RGS7: variants seen among roughly 807,000 people sequenced by gnomAD.
RGS7 encodes regulator of G-protein signaling 7.
Under a neutral mutation model 81.1 loss-of-function variants are expected in RGS7, and 27 were observed. That is an observed-to-expected ratio of 0.33 (90% CI 0.25 to 0.46). RGS7 has a LOEUF of 0.46. RGS7 is among the 20% of genes least tolerant of loss of function. The pLI, the probability that RGS7 is intolerant of heterozygous loss-of-function variation, is 1.00. For missense variants in RGS7, 396 were observed against 607.4 expected, an observed-to-expected ratio of 0.65 and a Z score of 3.66; for synonymous variants, 208 against 207.7, an observed-to-expected ratio of 1.00 and a Z score of -0.01.
intron 4 of RGS7, among the ~76,000 whole-genome samples, chr1:240,980,819 A>T (rs1266184831): frequency 2.0e-5 from 3 of 152,200 alleles, no homozygotes; most frequent in Non-Finnish European, 2.9e-5. Context: ...ACAAACCAAC[A>T]AATCAGAAAC....
intron 3 of RGS7, among the ~76,000 whole-genome samples, chr1:241,092,107 T>C (rs770264228): frequency 3.3e-5 from 5 of 152,198 alleles, no homozygotes; most frequent in Admixed American, 1.3e-4. Context: ...GATATTATTA[T>C]ACTGTAATGT....
chr1:241,080,844 T>C (rs974902959), intron 3 of RGS7, among the ~76,000 whole-genome samples: 1 of 152,232 alleles, frequency 6.6e-6, no homozygotes, highest in African/African-American at 2.4e-5. Flanking sequence ...TTTCAAGGAA[T>C]GCCTTCTTAT....
At chr1:240,888,074 A>G (rs921579409) in intron 6 of RGS7, among the ~76,000 whole-genome samples, 6 of 152,186 alleles carry the variant, frequency 3.9e-5, no homozygotes, top group Non-Finnish European at 2.9e-5. Flanking sequence ...TCTATCCTCA[A>G]TGAGGTTACA....
chr1:241,224,767 G>C (rs2075217159), intron 2 of RGS7, among the ~76,000 whole-genome samples: 1 of 152,088 alleles, frequency 6.6e-6, no homozygotes, highest in African/African-American at 2.4e-5. Flanking sequence ...TCATTGTGTT[G>C]AGTTGTTCAG....
rs370307650 is a variant in RGS7, at chr1:241,342,799, A to C, written c.78+12900T>G. On this transcript the variant is annotated intron_variant, in intron 2 of 18. Coordinates refer to ENST00000440928, the MANE Select transcript of RGS7 (RefSeq NM_001364886.1). Reference sequence around the variant, plus strand: ...CTCCATCATTAGGGAAATGTGAATCAAAATCACAATGAGATACCACTTCAC... The same window carrying C: ...CTCCATCATTAGGGAAATGTGAATCCAAATCACAATGAGATACCACTTCAC... Among the ~76,000 whole-genome samples the C allele has an allele frequency of 1.1e-4, 17 of 152,322 alleles. No individual in the cohort carries two copies. In the East Asian group the frequency reaches 2.7e-3, roughly 24 times the overall value.
At chr1:241,239,890 G>C (rs552918529) in intron 2 of RGS7, among the ~76,000 whole-genome samples, 2 of 152,336 alleles carry the variant, frequency 1.3e-5, no homozygotes, top group South Asian at 2.1e-4. Flanking sequence ...TTTGCCTGCA[G>C]TTCAGCAAAT....
chr1:241,026,987 C>T (rs776522846), intron 3 of RGS7, among the ~76,000 whole-genome samples: 6 of 148,012 alleles, frequency 4.1e-5, no homozygotes, highest in Non-Finnish European at 7.5e-5. Context: ...TAAGAAAAAA[C>T]AAGGTTCCAG....
intron 3 of RGS7, among the ~76,000 whole-genome samples, chr1:241,032,153 T>TA (rs1159980705): frequency 1.3e-5 from 2 of 152,246 alleles, no homozygotes; most frequent in Admixed American, 6.5e-5. Flanking sequence ...GACTTTTGTA[T>TA]ATGGTGAAAG....
chr1:241,041,971 T>A (rs1226697448), intron 3 of RGS7, among the ~76,000 whole-genome samples: 1 of 152,118 alleles, frequency 6.6e-6, no homozygotes, highest in Non-Finnish European at 1.5e-5. Flanking sequence ...GTCTGTGGGA[T>A]GACTTAGTAA....
At chr1:241,214,815 A>C (rs1195863700) in intron 2 of RGS7, among the ~76,000 whole-genome samples, 4 of 151,932 alleles carry the variant, frequency 2.6e-5, no homozygotes, top group African/African-American at 4.8e-5. Context: ...TTAAAGCTTC[A>C]TCTATTATAT....
At position 241,061,489 on chromosome 1, in the gene RGS7, A is replaced by G. The variant is rs151327273; in HGVS notation, c.175+37177T>C. On this transcript the variant is annotated intron_variant, in intron 3 of 18. Transcript: ENST00000440928. ...TACCCTTATGTTATAATTTAATATG[A>G]TTTTTATTATGTGGGGTTACACAAT... is the stretch of plus-strand genomic sequence containing the variant. Among the ~76,000 whole-genome samples, 158 of 152,326 alleles carry G rather than the reference A, an allele frequency of 1.0e-3. 1 individual carries two copies. The highest frequency in any genetic ancestry group is 3.5e-3 in the African/African-American group (145 of 41,586).
chr1:241,222,419 C>A (rs1048360950), intron 2 of RGS7, among the ~76,000 whole-genome samples: 1 of 152,084 alleles, frequency 6.6e-6, no homozygotes, highest in African/African-American at 2.4e-5. Context: ...TCTAATATGT[C>A]AATAATTTGA....
chr1:240,939,871 G>C (rs1040951214), intron 4 of RGS7, among the ~76,000 whole-genome samples: 2 of 151,958 alleles, frequency 1.3e-5, no homozygotes, highest in Non-Finnish European at 2.9e-5. Context: ...AGGAGTTCAA[G>C]ACCACCATGG....
intron 2 of RGS7, among the ~76,000 whole-genome samples, chr1:241,242,708 G>A (rs574235665): frequency 6.6e-6 from 1 of 152,246 alleles, no homozygotes; most frequent in South Asian, 2.1e-4. Flanking sequence ...CGGTGGCTCT[G>A]ATTTGTATTT....
chr1:240,851,939 C>T (rs867830941), intron 9 of RGS7, among the ~76,000 whole-genome samples: 2 of 152,060 alleles, frequency 1.3e-5, no homozygotes, highest in African/African-American at 2.4e-5. Flanking sequence ...AATCTACTTC[C>T]GGTGAAGATG....
chr1:240,889,914 T>C (rs539647633), intron 6 of RGS7, among the ~76,000 whole-genome samples: 130 of 152,268 alleles, frequency 8.5e-4, no homozygotes, highest in African/African-American at 2.9e-3. Context: ...TCGCGGATGC[T>C]ACCAAGAAGG....
At chr1:240,916,153 T>A (rs1672575674) in intron 6 of RGS7, among the ~76,000 whole-genome samples, 1 of 150,154 alleles carries the variant, frequency 6.7e-6, no homozygotes, top group Non-Finnish European at 1.5e-5. Context: ...TGGCTCATGC[T>A]TGTAATGCCA....
intron 14 of RGS7, among the ~76,000 whole-genome samples, chr1:240,809,076 T>C (rs1324278769): frequency 1.3e-5 from 2 of 152,172 alleles, no homozygotes; most frequent in Non-Finnish European, 2.9e-5. Flanking sequence ...ATATAAATTA[T>C]ATAGAAGGCA....
At chr1:240,913,127 T>G (rs2148261223) in intron 6 of RGS7, among the ~76,000 whole-genome samples, 1 of 152,364 alleles carries the variant, frequency 6.6e-6, no homozygotes, top group East Asian at 1.9e-4. Context: ...GAGATTGAGA[T>G]TATAAACCAG....
Sources: gnomAD v4.1 joint callset for allele counts (sites outside exome capture counted in the v4.1 genomes callset) on GRCh38, gnomAD v4.1.1 for gene constraint, MANE v1.5 for transcripts, NCBI Gene and HGNC (gene_info 2026-07-23, HGNC 2026-07-21) for gene names.